IKZF4: variants seen among roughly 807,000 people sequenced by gnomAD.
IKZF4 encodes the protein IKAROS family zinc finger 4.
A neutral mutation model predicts 47.7 loss-of-function variants in IKZF4; 11 were observed. That is an observed-to-expected ratio of 0.23 (90% CI 0.15 to 0.38). The LOEUF (loss-of-function observed/expected upper bound fraction) is 0.38, where lower values mean the gene tolerates loss of function less well. Ranked by LOEUF, IKZF4 falls within the 10% of genes least tolerant of loss-of-function variation. The pLI, the probability that IKZF4 is intolerant of heterozygous loss-of-function variation, is 1.00. For missense variants in IKZF4, 557 were observed against 784.9 expected (o/e 0.71, Z 3.47); for synonymous variants, 298 against 299.4 (o/e 1.00, Z 0.05).
At chr12:56,033,140 A>G (rs753873731) in intron 6 of IKZF4, 50 bp from the exon 7 acceptor site, 9 of 1,604,484 alleles carry the variant, frequency 5.6e-6, no homozygotes, top group East Asian at 2.2e-5. Flanking sequence ...TGTGGGGCCA[A>G]TGCTACCCCT....
upstream of IKZF4, among the ~76,000 whole-genome samples, chr12:56,017,231 C>G (rs1236723927): frequency 4.2e-4 from 54 of 129,026 alleles, no homozygotes; most frequent in African/African-American, 1.5e-3. Flanking sequence ...ACTCCCCCCC[C>G]GCCCCCCCCG....
In IKZF4 at chr12:56,035,089, T is replaced by C. The variant is rs765450199; in HGVS notation, c.1516T>C (p.Leu506=). The C allele has an allele frequency of 3.1e-6, 5 of 1,604,038 alleles. No individual in the cohort carries two copies. The highest frequency in any genetic ancestry group is 1.7e-4 in the Middle Eastern group (1 of 6,030). The change falls in exon 8 of 8, where the codon TTG becomes CTG. Residue 506 remains leucine (L), a synonymous_variant. Coordinates refer to ENST00000547167, the MANE Select transcript of IKZF4 (RefSeq NM_022465.4). This position sits in a 1 kb window ranked among gnomAD's most constrained non-coding sequence, Gnocchi z 6.1. ...GGACCCCAAGCCACAGGAGGGGTTA[T>C]TGCGGGGCACCCCAGGCCCCTCCAA... is the stretch of plus-strand genomic sequence containing the variant. ...KEDPKPQEGL[L]RGTPGPSKEV... is the part of the protein sequence containing the mutation.
chr12:56,018,949 G>T (rs1892492107), upstream of IKZF4, among the ~76,000 whole-genome samples: 1 of 152,074 alleles, frequency 6.6e-6, no homozygotes, highest in Non-Finnish European at 1.5e-5. Flanking sequence ...CCAGGCACGT[G>T]GCTCACGCCT....
chr12:56,012,272 CT>C lies in IKZF4; in HGVS notation c.-214+797del, dbSNP rs1227746530. Among the ~76,000 whole-genome samples, 360 of 134,886 alleles carry C rather than the reference CT, an allele frequency of 2.7e-3. 1 individual carries two copies. Among genetic ancestry groups the C allele is most frequent in the African/African-American group, 5.2e-3 (190 of 36,222 alleles). 88.5% of individuals were successfully genotyped at this position (134,886 alleles called of 152,430 possible). On this transcript the variant is annotated intron_variant, in intron 2 of 11. Transcript: ENST00000262032. ...GCCACATTAAGCATGTGTTAAATGA[CT>C]TTTTTTTTTTTTTTTTTTGAGACGG...
At chr12:56,020,577 A>G (rs1218701590), upstream of IKZF4, among the ~76,000 whole-genome samples, 1 of 152,086 alleles carries the variant, frequency 6.6e-6, no homozygotes, top group Non-Finnish European at 1.5e-5. Flanking sequence ...AAAGTAGGTC[A>G]GTTTGTCAGT....
intron 5 of IKZF4, among the ~76,000 whole-genome samples, chr12:56,028,380 A>G (rs1894372562): frequency 6.6e-6 from 1 of 151,642 alleles, no homozygotes; most frequent in African/African-American, 2.4e-5. Flanking sequence ...AAAAAAAAAA[A>G]AAATTAGCCG....
At position 56,021,518 on chromosome 12, in the gene IKZF4, C is replaced by A; in HGVS notation, c.25C>A (p.Arg9Ser). The A allele has an allele frequency of 4.4e-6, 7 of 1,607,604 alleles. No individual in the cohort carries two copies. The highest frequency in any genetic ancestry group is 5.9e-6 in the Non-Finnish European group (7 of 1,177,588). ...CATGCATACACCACCCGCACTCCCT[C>A]GCCGTTTCCAAGGCGGCGGCCGCGT... is the stretch of plus-strand genomic sequence containing the variant. MHTPPALP[R>S]RFQGGGRVRT... Residue 9 changes from arginine to serine, a missense_variant, in exon 1 of 8, where the codon CGC (arginine) becomes AGC (serine). By Grantham distance (110) the Arg-to-Ser change is moderately radical (BLOSUM62 -1). This residue lies in a region of IKZF4 where 44 missense variants were observed against 39.7 expected (regional missense o/e 1.11). Transcript: ENST00000547167.
chr12:56,021,591 G>T lies in IKZF4; in HGVS notation c.87+11G>T. 6.3e-7 allele frequency: 1 copy of T among 1,591,262 alleles called. No individual in the cohort carries two copies. The highest frequency in any genetic ancestry group is 1.3e-5 in the African/African-American group (1 of 74,510). On this transcript the variant is annotated intron_variant, in intron 1 of 7. Transcript: ENST00000547167. ...CAAGGGAAGGATAATGTAAGTTCAG[G>T]CAGAAGGCGGCTAGTGGAGGGAGGA...
intron 2 of IKZF4, among the ~76,000 whole-genome samples, chr12:56,014,852 T>G (rs1891814698): frequency 6.6e-6 from 1 of 152,086 alleles, no homozygotes; most frequent in African/African-American, 2.4e-5. Context: ...TTGAGTAGCC[T>G]GGCTTTTGAA....
At chr12:56,019,405 G>A (rs1892560546), upstream of IKZF4, 3 of 981,856 alleles carry the variant, frequency 3.1e-6, no homozygotes, top group Non-Finnish European at 3.6e-6. Flanking sequence ...GCAACACCCG[G>A]GTAATGTAAG....
In IKZF4 at chr12:56,034,694, C is replaced by G; in HGVS notation, c.1121C>G (p.Ala374Gly). The G allele has an allele frequency of 1.2e-6, 2 of 1,614,020 alleles. No individual in the cohort carries two copies. The highest frequency in any genetic ancestry group is 1.7e-6 in the Non-Finnish European group (2 of 1,179,878). ...SLEPGFGSSL[A>G]FVGAEHLRPL... is the part of the protein sequence containing the mutation. ...GAGCCTGGCTTTGGAAGTTCCCTGG[C>G]CTTTGTGGGTGCAGAGCATCTGCGT... The change falls in exon 8 of 8, where the codon GCC becomes GGC. Residue 374 changes from alanine to glycine, a missense_variant. Around this residue, in one of 6 missense-constraint regions of IKZF4, gnomAD observed 280 missense variants for 314.0 expected, o/e 0.89. Coordinates refer to ENST00000547167, the MANE Select transcript of IKZF4 (RefSeq NM_022465.4).
rs971923122 is a variant in IKZF4 at position 56,036,191 on chromosome 12, A to T, written c.*860A>T. On this transcript the variant is annotated 3_prime_UTR_variant, in exon 8 of 8. Coordinates refer to ENST00000547167, the MANE Select transcript of IKZF4 (RefSeq NM_022465.4). ...GGCTTTTCTCTCCTTGGAGTGCCCC[A>T]ATTTTATATTCTCAGGGGCCAAGGC... 2 of 152,468 alleles carry T rather than the reference A, an allele frequency of 1.3e-5. No homozygotes were observed. The highest frequency in any genetic ancestry group is 2.9e-5 in the Non-Finnish European group (2 of 68,026). The allele number at this position is 152,468 out of a possible 1,614,324, so 9.4% of individuals were successfully genotyped here. A position where few individuals can be genotyped will look rare whatever the true frequency, so the allele number is the denominator to read the frequency against.
chr12:56,010,982 T>C (rs141632719), intron 1 of IKZF4, among the ~76,000 whole-genome samples: 3 of 152,322 alleles, frequency 2.0e-5, no homozygotes, highest in Non-Finnish European at 4.4e-5. Context: ...TTGGGCACAA[T>C]TGCAATCAAA....
intron 7 of IKZF4, among the ~76,000 whole-genome samples, chr12:56,033,600 G>A (rs1441017144): frequency 2.0e-5 from 3 of 152,050 alleles, no homozygotes; most frequent in Non-Finnish European, 2.9e-5. Context: ...CCAGCTACTC[G>A]GGAGGCTGAA....
chr12:56,027,969 G>T (rs1894284176), intron 5 of IKZF4, 22 bp downstream of exon 5: 1 of 1,531,154 alleles, frequency 6.5e-7, no homozygotes, highest in Admixed American at 2.1e-5. Context: ...TCCAGTGGGA[G>T]GAGGGAATGA....
chr12:56,008,888 G>T (rs992021407), intron 1 of IKZF4, among the ~76,000 whole-genome samples: 1 of 151,840 alleles, frequency 6.6e-6, no homozygotes, highest in Non-Finnish European at 1.5e-5. Flanking sequence ...TGTTGGCCAG[G>T]CTGGTCTTGA....
rs536079143 is a variant in IKZF4, at chr12:56,035,992, A to C, written c.*661A>C. ...GGGACTGAAGAAATTCTCCCCAGGCACTGTGGGACTGAGAGTCCTATTCCC... is the reference window on the plus strand; with the variant it reads ...GGGACTGAAGAAATTCTCCCCAGGCCCTGTGGGACTGAGAGTCCTATTCCC... On this transcript the variant is annotated 3_prime_UTR_variant, in exon 8 of 8. Coordinates refer to ENST00000547167, the MANE Select transcript of IKZF4 (RefSeq NM_022465.4). This position sits in a 1 kb window ranked among gnomAD's most constrained non-coding sequence, Gnocchi z 6.1. 3 of 152,742 alleles carry C rather than the reference A, an allele frequency of 2.0e-5. No individual in the cohort carries two copies. The highest frequency in any genetic ancestry group is 7.2e-5 in the African/African-American group (3 of 41,522). The allele number at this position is 152,742 out of a possible 1,614,324, so 9.5% of individuals were successfully genotyped here. A position where few individuals can be genotyped will look rare whatever the true frequency, so the allele number is the denominator to read the frequency against.
chr12:56,020,548 T>G (rs1209546777), upstream of IKZF4, among the ~76,000 whole-genome samples: 1 of 151,926 alleles, frequency 6.6e-6, no homozygotes, highest in East Asian at 1.9e-4. Flanking sequence ...ATTCTTGGAA[T>G]CAGAAAATGT....
chr12:56,023,406 GT>G (rs1462693935), intron 1 of IKZF4, among the ~76,000 whole-genome samples: 5 of 152,212 alleles, frequency 3.3e-5, no homozygotes, highest in Non-Finnish European at 7.3e-5. Flanking sequence ...GAGTCTACAA[GT>G]CTCAACCCAC....
Sources: gnomAD v4.1 joint callset for allele counts (sites outside exome capture counted in the v4.1 genomes callset) on GRCh38, gnomAD v4.1.1 for gene constraint, gnomAD v4.1.1 regional missense constraint, Gnocchi (gnomAD v3.1) non-coding constraint, MANE v1.5 for transcripts, NCBI Gene and HGNC (gene_info 2026-07-23, HGNC 2026-07-21) for gene names.